Variants in STXBP5 observed in about 807,000 individuals in gnomAD.
STXBP5 encodes the protein syntaxin binding protein 5.
In STXBP5, 50 loss-of-function variants were observed where a neutral mutation model predicts 152.4. The ratio of observed to expected loss-of-function variants is 0.33; its 90% CI spans 0.26 to 0.42. The LOEUF (loss-of-function observed/expected upper bound fraction) is 0.42. Ranked by LOEUF, STXBP5 falls within the 10% of genes least tolerant of loss-of-function variation. The pLI is 1.00. For synonymous variants in STXBP5, 492 were observed against 494.7 expected, an observed-to-expected ratio of 0.99 and a Z score of 0.07; for missense variants, 1,167 against 1,388.6, an observed-to-expected ratio of 0.84 and a Z score of 2.54.
chr6:147,301,344 T>C (rs1393372420), intron 9 of STXBP5, among the ~76,000 whole-genome samples: 1 of 152,102 alleles, frequency 6.6e-6, no homozygotes, highest in Non-Finnish European at 1.5e-5. Context: ...ATATCTGCAC[T>C]CCCATGTTCC....
chr6:147,329,973 T>C (rs1004728364), intron 18 of STXBP5, among the ~76,000 whole-genome samples: 3 of 152,138 alleles, frequency 2.0e-5, no homozygotes, highest in African/African-American at 7.2e-5. Context: ...TTTTTTGTTT[T>C]CCTACAAATA....
At position 147,206,024 on chromosome 6, in the gene STXBP5, A is replaced by G; in HGVS notation, c.204A>G (p.Val68=). 3 of 1,614,118 alleles carry G rather than the reference A, an allele frequency of 1.9e-6. No homozygotes were observed. The highest frequency in any genetic ancestry group is 2.2e-5 in the East Asian group (1 of 44,868). ...CCTCAGCCCTGGCCTTTGATCCTGTACAGAAGATCCTGGCAGTGGGAACTC... is the reference window on the plus strand; with the variant it reads ...CCTCAGCCCTGGCCTTTGATCCTGTGCAGAAGATCCTGGCAGTGGGAACTC... ...YQPSALAFDP[V]QKILAVGTQT... Residue 68 remains valine, a synonymous_variant, in exon 2 of 28, where the codon GTA becomes GTG. Transcript: ENST00000321680.
chr6:147,323,804 T>G (rs1204644560), intron 16 of STXBP5, among the ~76,000 whole-genome samples: 4 of 152,230 alleles, frequency 2.6e-5, no homozygotes, highest in African/African-American at 9.6e-5. Context: ...GTAGTAATAC[T>G]CCCACTTTCT....
intron 9 of STXBP5, 96 bp downstream of exon 9, chr6:147,291,268 A>G (rs1199748139): frequency 2.2e-6 from 2 of 922,780 alleles, no homozygotes; most frequent in South Asian, 1.8e-5. Flanking sequence ...CTATTTTAGA[A>G]TAGTCTACAC....
intron 9 of STXBP5, among the ~76,000 whole-genome samples, chr6:147,307,159 T>C (rs1461337224): frequency 6.6e-6 from 1 of 152,140 alleles, no homozygotes; most frequent in Non-Finnish European, 1.5e-5. Context: ...GCAGAAAGCG[T>C]GTTTACTCCA....
chr6:147,297,771 AGTT>A (rs1582906980), intron 9 of STXBP5, among the ~76,000 whole-genome samples: 1 of 152,276 alleles, frequency 6.6e-6, no homozygotes, highest in Non-Finnish European at 1.5e-5. Flanking sequence ...GCTAAAGTTA[AGTT>A]GTTATCAGCT....
At chr6:147,365,085 A>G (rs540940280) in intron 25 of STXBP5, among the ~76,000 whole-genome samples, 25 of 152,148 alleles carry the variant, frequency 1.6e-4, no homozygotes, top group African/African-American at 5.3e-4. Flanking sequence ...TGTGCTTAGC[A>G]TAGTGCCCCT....
intron 19 of STXBP5, among the ~76,000 whole-genome samples, chr6:147,336,391 T>G (rs1783826860): frequency 6.6e-6 from 1 of 152,104 alleles, no homozygotes; most frequent in Non-Finnish European, 1.5e-5. Flanking sequence ...CTCTGTATAT[T>G]TGTAACGTTT....
chr6:147,223,180 A>G (rs1438032736), intron 2 of STXBP5, among the ~76,000 whole-genome samples: 2 of 152,250 alleles, frequency 1.3e-5, no homozygotes, highest in African/African-American at 4.8e-5. Flanking sequence ...TGGTGAAAAC[A>G]TAGGTGGTCT....
intron 11 of STXBP5, among the ~76,000 whole-genome samples, chr6:147,313,405 T>G (rs1198947165): frequency 6.6e-6 from 1 of 152,204 alleles, no homozygotes; most frequent in Non-Finnish European, 1.5e-5. Context: ...AATTTTATTA[T>G]GTATTATTAC....
intron 2 of STXBP5, among the ~76,000 whole-genome samples, chr6:147,217,345 C>A (rs931628255): frequency 6.6e-6 from 1 of 152,160 alleles, no homozygotes; most frequent in African/African-American, 2.4e-5. Flanking sequence ...CATTAGGCAT[C>A]TGGGAATGGA....
chr6:147,220,046 T>G (rs1777382625), intron 2 of STXBP5, among the ~76,000 whole-genome samples: 1 of 151,852 alleles, frequency 6.6e-6, no homozygotes, highest in African/African-American at 2.4e-5. Flanking sequence ...CTATTTTCTG[T>G]GTTTCCCATA....
At chr6:147,295,992 C>T (rs1447630162) in intron 9 of STXBP5, among the ~76,000 whole-genome samples, 1 of 152,112 alleles carries the variant, frequency 6.6e-6, no homozygotes, top group Non-Finnish European at 1.5e-5. Context: ...GCCATGATCC[C>T]AGCTGCTCAG....
chr6:147,367,317 A>G (rs751606729), intron 25 of STXBP5, among the ~76,000 whole-genome samples: 21 of 152,188 alleles, frequency 1.4e-4, no homozygotes, highest in Non-Finnish European at 2.4e-4. Context: ...GGAGGTCTCA[A>G]TGCAATGATG....
chr6:147,234,222 T>C (rs1448778349), intron 2 of STXBP5, among the ~76,000 whole-genome samples: 1 of 151,894 alleles, frequency 6.6e-6, no homozygotes, highest in African/African-American at 2.4e-5. Context: ...ATTTTGCTTT[T>C]TACTTTAGGG....
At position 147,344,483 on chromosome 6, in the gene STXBP5, A is replaced by C. The variant is rs1582973489; in HGVS notation, c.2254+5099A>C. Among the ~76,000 whole-genome samples, 4 of 152,356 alleles carry C rather than the reference A, an allele frequency of 2.6e-5. 1 individual carries two copies. The South Asian group carries it at 8.3e-4, about 32-fold the overall frequency. ...CAAAATACCACAGACTGGGAGGCTT[A>C]AACAATTCGGGAGGTTAGAAGTCCA... On this transcript the variant is annotated intron_variant, in intron 21 of 27. Transcript: ENST00000321680.
chr6:147,245,002 T>G (rs941697069), intron 4 of STXBP5, among the ~76,000 whole-genome samples: 2 of 148,068 alleles, frequency 1.4e-5, no homozygotes, highest in African/African-American at 5.0e-5. Context: ...TTTTTTTTTT[T>G]TTTTTTTTTA....
At chr6:147,318,123 T>A (rs1782732675) in intron 16 of STXBP5, among the ~76,000 whole-genome samples, 1 of 152,166 alleles carries the variant, frequency 6.6e-6, no homozygotes, top group Non-Finnish European at 1.5e-5. Flanking sequence ...TGGCCAGAGA[T>A]CCAGCAGTAT....
chr6:147,210,804 G>A (rs1363811852), intron 2 of STXBP5, among the ~76,000 whole-genome samples: 10 of 152,102 alleles, frequency 6.6e-5, no homozygotes, highest in Non-Finnish European at 1.2e-4. Context: ...TATTGTGGTG[G>A]ATACATGATT....
Sources: gnomAD v4.1 joint callset for allele counts (sites outside exome capture counted in the v4.1 genomes callset) on GRCh38, gnomAD v4.1.1 for gene constraint, MANE v1.5 for transcripts, NCBI Gene and HGNC (gene_info 2026-07-23, HGNC 2026-07-21) for gene names.